The following RALGAPA1 variants were observed in gnomAD, a reference collection of about 807,000 sequenced individuals.
RALGAPA1 encodes the protein Ral GTPase activating protein catalytic subunit alpha 1.
RALGAPA1 carries 52 observed loss-of-function variants against 269.6 expected under a neutral mutation model. That is an observed-to-expected ratio of 0.19 (90% confidence interval 0.15 to 0.24). The LOEUF (loss-of-function observed/expected upper bound fraction) is 0.24, where lower values mean the gene tolerates loss of function less well. RALGAPA1 is among the 10% of genes least tolerant of loss of function. The pLI is 1.00. For synonymous variants in RALGAPA1, 817 were observed against 1,008.3 expected, an observed-to-expected ratio of 0.81 and a Z score of 3.60; for missense variants, 1,917 against 3,013.9, an observed-to-expected ratio of 0.64 and a Z score of 8.52.
chr14:35,795,814 CAAAA>C (rs35882089), intron 1 of RALGAPA1, among the ~76,000 whole-genome samples: 7 of 122,284 alleles, frequency 5.7e-5, no homozygotes, highest in African/African-American at 2.9e-5. Context: ...ATTTCTCTAC[CAAAA>C]AAAAAAAAAA....
rs144552751 is a variant in RALGAPA1, at chr14:35,619,335, C to A, written c.6929+6026G>T. Among the ~76,000 whole-genome samples, 322 of 151,956 alleles carry A rather than the reference C, an allele frequency of 2.1e-3. 4 individuals are homozygous for A. The highest frequency in any genetic ancestry group is 7.5e-3 in the African/African-American group (309 of 41,468). On this transcript the variant is annotated intron_variant, in intron 35 of 41. Coordinates refer to ENST00000680220, the MANE Select transcript of RALGAPA1 (RefSeq NM_001346249.2). Reference sequence around the variant, plus strand: ...GTCTGTATCAAAACATCTTATGTACCCCATTAAATATATACACCTACAGGG... The same window carrying A: ...GTCTGTATCAAAACATCTTATGTACACCATTAAATATATACACCTACAGGG...
chr14:35,715,412 T>G (rs1595283563), intron 16 of RALGAPA1, among the ~76,000 whole-genome samples: 1 of 152,272 alleles, frequency 6.6e-6, no homozygotes, highest in South Asian at 2.1e-4. Flanking sequence ...TTAATGAGCT[T>G]ATCATTTTCC....
At chr14:35,596,174 G>A (rs1438813876) in intron 36 of RALGAPA1, among the ~76,000 whole-genome samples, 1 of 151,980 alleles carries the variant, frequency 6.6e-6, no homozygotes, top group Non-Finnish European at 1.5e-5. Flanking sequence ...TTAATTTGGT[G>A]TGTTGTATTT....
At chr14:35,732,861 G>GA (rs2070635430) in intron 12 of RALGAPA1, among the ~76,000 whole-genome samples, 1 of 152,074 alleles carries the variant, frequency 6.6e-6, no homozygotes, top group East Asian at 1.9e-4. Context: ...AGACAACAAA[G>GA]AAACAATGGA....
chr14:35,689,217 CTG>C lies in RALGAPA1; in HGVS notation c.3192_3193del (p.Tyr1064Ter). On this transcript the variant is annotated stop_gained and frameshift_variant, in exon 18 of 42. Transcript: ENST00000680220. LOFTEE classifies it high-confidence loss of function. ...AGCATCTAATTCTGTGGCTGCTTGT[CTG>C]TACAGATGTTTCCTTTTTTCTTTAT... 1 of 1,232,860 alleles carries C rather than the reference CTG, an allele frequency of 8.1e-7. No individual in the cohort carries two copies. Among genetic ancestry groups the C allele is most frequent in the Non-Finnish European group, 1.0e-6 (1 of 988,528 alleles). 76.4% of individuals were successfully genotyped at this position (1,232,860 alleles called of 1,614,324 possible). A position where few individuals can be genotyped will look rare whatever the true frequency, so the allele number is the denominator to read the frequency against.
intron 17 of RALGAPA1, among the ~76,000 whole-genome samples, chr14:35,696,688 C>G (rs1260220873): frequency 6.6e-6 from 1 of 151,094 alleles, no homozygotes; most frequent in Non-Finnish European, 1.5e-5. Flanking sequence ...CTAACAAATT[C>G]TACTTCTAAC....
intron 35 of RALGAPA1, among the ~76,000 whole-genome samples, chr14:35,624,357 A>G (rs1473897549): frequency 6.6e-6 from 1 of 152,072 alleles, no homozygotes; most frequent in East Asian, 1.9e-4. Context: ...ACAGGAAGTG[A>G]GTAAAGATCA....
At chr14:35,779,352 T>C (rs1463052103) in intron 1 of RALGAPA1, among the ~76,000 whole-genome samples, 1 of 151,840 alleles carries the variant, frequency 6.6e-6, no homozygotes, top group Non-Finnish European at 1.5e-5. Flanking sequence ...ACATTGAGAT[T>C]CCATTTCTAC....
At chr14:35,687,140 T>C (rs1303558711) in intron 18 of RALGAPA1, among the ~76,000 whole-genome samples, 1 of 152,208 alleles carries the variant, frequency 6.6e-6, no homozygotes, top group Non-Finnish European at 1.5e-5. Context: ...CTGCTGTTTC[T>C]ATCCACTATA....
rs2066188992 is a variant in RALGAPA1 at position 35,688,657 on chromosome 14, G to A, written c.3754C>T (p.Arg1252Cys). 2.6e-6 allele frequency: 4 copies of A among 1,516,054 alleles called. No individual in the cohort carries two copies. Among genetic ancestry groups the A allele is most frequent in the African/African-American group, 2.8e-5 (2 of 72,302 alleles). The allele number at this position is 1,516,054 out of a possible 1,614,324, so 93.9% of individuals were successfully genotyped here. A position where few individuals can be genotyped will look rare whatever the true frequency, so the allele number is the denominator to read the frequency against. ...TGACTTGATGACCTAAGAGTACTAC[G>A]ACTACCTAATTGACTACTTGCAATT... The part of the protein sequence containing the change: ...EGIASSQLGS[R>C]STLRSSSHEA... The change falls in exon 18 of 42, where the codon CGT (arginine) becomes TGT (cysteine). Residue 1252 changes from arginine to cysteine, a missense_variant. Physicochemically the swap from Arg to Cys is radical, Grantham distance 180. Transcript: ENST00000680220.
chr14:35,743,149 AGT>A (rs1223480674), intron 10 of RALGAPA1, among the ~76,000 whole-genome samples: 2 of 152,026 alleles, frequency 1.3e-5, no homozygotes, highest in Non-Finnish European at 2.9e-5. Flanking sequence ...CCACACAGAC[AGT>A]GGCCCCTGCT....
chr14:35,767,895 C>T (rs1350225300), intron 4 of RALGAPA1, among the ~76,000 whole-genome samples: 1 of 152,060 alleles, frequency 6.6e-6, no homozygotes, highest in African/African-American at 2.4e-5. Flanking sequence ...CCAAATCAGC[C>T]TCCCAAGGAG....
intron 12 of RALGAPA1, 86 bp from the exon 13 acceptor site, chr14:35,728,596 T>C (rs1399552957): frequency 3.4e-5 from 48 of 1,413,448 alleles, no homozygotes; most frequent in Non-Finnish European, 4.4e-5. Context: ...CTGATCACAC[T>C]GTGGGTAAAT....
intron 31 of RALGAPA1, among the ~76,000 whole-genome samples, chr14:35,639,756 G>A (rs757725070): frequency 4.6e-5 from 7 of 151,890 alleles, no homozygotes; most frequent in Non-Finnish European, 7.4e-5. Context: ...TGGCTAAGAC[G>A]GTGAAACCCC....
chr14:35,632,492 C>G (rs1288640592), intron 33 of RALGAPA1, among the ~76,000 whole-genome samples: 1 of 152,168 alleles, frequency 6.6e-6, no homozygotes, highest in African/African-American at 2.4e-5. Flanking sequence ...TGCTGCAATT[C>G]ACTGCACTGT....
intron 16 of RALGAPA1, 45 bp from the exon 17 acceptor site, chr14:35,700,347 G>A: frequency 6.9e-7 from 1 of 1,455,154 alleles, no homozygotes; most frequent in Non-Finnish European, 9.0e-7. Context: ...AAAAAGAAGA[G>A]TGACTATAAT....
intron 27 of RALGAPA1, among the ~76,000 whole-genome samples, chr14:35,660,705 T>C (rs1049833201): frequency 6.6e-6 from 1 of 152,084 alleles, no homozygotes; most frequent in Non-Finnish European, 1.5e-5. Context: ...TAAGTGTCCC[T>C]TGAAGGACTA....
intron 1 of RALGAPA1, among the ~76,000 whole-genome samples, chr14:35,791,188 AG>A (rs1414029260): frequency 6.6e-6 from 1 of 152,228 alleles, no homozygotes; most frequent in African/African-American, 2.4e-5. Context: ...AATAGTAGGA[AG>A]GCTGACTTCT....
chr14:35,682,988 T>C (rs2065587459), intron 21 of RALGAPA1, among the ~76,000 whole-genome samples: 1 of 152,202 alleles, frequency 6.6e-6, no homozygotes, highest in Admixed American at 6.5e-5. Context: ...GAAATATGCT[T>C]GACTAGTTTA....
Sources: gnomAD v4.1 joint callset for allele counts (sites outside exome capture counted in the v4.1 genomes callset) on GRCh38, gnomAD v4.1.1 for gene constraint, MANE v1.5 for transcripts, NCBI Gene and HGNC (gene_info 2026-07-23, HGNC 2026-07-21) for gene names.